Variants in LAMA2 observed in about 807,000 individuals in gnomAD.
LAMA2 encodes laminin subunit alpha-2.
A neutral mutation model predicts 364.8 loss-of-function variants in LAMA2; 269 were observed. The observed-to-expected ratio is 0.74, with a 90% CI of 0.67 to 0.82. The LOEUF is 0.82. Ranked by LOEUF, LAMA2 falls within the 40% of genes least tolerant of loss-of-function variation. The pLI, the probability that LAMA2 is intolerant of heterozygous loss-of-function variation, is 0.00. For missense variants in LAMA2, 3,807 were observed against 3,873.2 expected, an observed-to-expected ratio of 0.98 and a Z score of 0.45; for synonymous variants, 1,379 against 1,370.6, an observed-to-expected ratio of 1.01 and a Z score of -0.14.
intron 1 of LAMA2, among the ~76,000 whole-genome samples, chr6:128,940,010 G>C (rs1014928817): frequency 6.6e-6 from 1 of 152,056 alleles, no homozygotes; most frequent in Admixed American, 6.5e-5. Flanking sequence ...GTCTACCATG[G>C]TTCCTTTACA....
At chr6:128,987,351 G>A (rs969397583) in intron 1 of LAMA2, among the ~76,000 whole-genome samples, 4 of 151,760 alleles carry the variant, frequency 2.6e-5, no homozygotes, top group Non-Finnish European at 5.9e-5. Context: ...CCATTTTGGC[G>A]AGGCTGGTCT....
chr6:129,118,537 G>A lies in LAMA2; in HGVS notation c.639+20122G>A, dbSNP rs1028529158. On this transcript the variant is annotated intron_variant, in intron 4 of 64. Coordinates refer to ENST00000421865, the MANE Select transcript of LAMA2 (RefSeq NM_000426.4). ...TTAAACATACTGAACATAGTTAAAA[G>A]ACATGCATCTGATTAATGTAAAAAC... Among the ~76,000 whole-genome samples, 20 of 152,288 alleles carry A rather than the reference G, an allele frequency of 1.3e-4. 1 individual carries two copies. Among genetic ancestry groups the A allele is most frequent in the Admixed American group, 1.0e-3 (16 of 15,300 alleles).
chr6:129,171,623 C>T (rs1158280660), intron 9 of LAMA2, among the ~76,000 whole-genome samples: 4 of 150,318 alleles, frequency 2.7e-5, no homozygotes, highest in African/African-American at 9.8e-5. Context: ...TCCTTCATTT[C>T]AGCTTTGGTG....
intron 37 of LAMA2, among the ~76,000 whole-genome samples, chr6:129,396,966 A>C (rs1179866601): frequency 2.9e-4 from 4 of 13,876 alleles, no homozygotes; most frequent in Non-Finnish European, 4.5e-4. Context: ...ACAGTGAGAC[A>C]ATGAGACAGT....
chr6:129,106,876 AT>A (rs1260838812), intron 4 of LAMA2, among the ~76,000 whole-genome samples: 3,557 of 109,420 alleles, frequency 0.033, 148 homozygotes, highest in African/African-American at 0.14. Flanking sequence ...AAAAAAAAAA[AT>A]ATATATATAT....
At chr6:128,953,441 C>T (rs1057316130) in intron 1 of LAMA2, among the ~76,000 whole-genome samples, 2 of 151,844 alleles carry the variant, frequency 1.3e-5, no homozygotes, top group African/African-American at 4.8e-5. Flanking sequence ...ATTACTATAC[C>T]CTTTACTATG....
intron 4 of LAMA2, among the ~76,000 whole-genome samples, chr6:129,118,767 C>G (rs1221347050): frequency 6.6e-6 from 1 of 152,106 alleles, no homozygotes; most frequent in Non-Finnish European, 1.5e-5. Context: ...GATGAGAAAC[C>G]TCTGAAAGCT....
intron 12 of LAMA2, among the ~76,000 whole-genome samples, chr6:129,216,437 A>G (rs998583556): frequency 6.6e-6 from 1 of 152,218 alleles, no homozygotes; most frequent in Non-Finnish European, 1.5e-5. Flanking sequence ...TAGTTTTGCA[A>G]TAAGTAGATT....
intron 3 of LAMA2, among the ~76,000 whole-genome samples, chr6:129,062,235 T>C (rs1206401576): frequency 6.6e-6 from 1 of 152,182 alleles, no homozygotes; most frequent in Non-Finnish European, 1.5e-5. Context: ...TAATCCTGAA[T>C]AAACCAGCTA....
At chr6:129,005,976 G>C (rs1056245138) in intron 1 of LAMA2, among the ~76,000 whole-genome samples, 2 of 151,624 alleles carry the variant, frequency 1.3e-5, no homozygotes. Flanking sequence ...GGAATGATCT[G>C]TTTGAGACTG....
At chr6:129,356,893 A>G (rs916690477) in intron 32 of LAMA2, among the ~76,000 whole-genome samples, 1 of 152,104 alleles carries the variant, frequency 6.6e-6, no homozygotes, top group African/African-American at 2.4e-5. Context: ...ATTGTCAAGT[A>G]GAGACTGTCT....
intron 1 of LAMA2, among the ~76,000 whole-genome samples, chr6:128,991,947 G>A (rs1783636114): frequency 6.6e-6 from 1 of 152,098 alleles, no homozygotes; most frequent in Non-Finnish European, 1.5e-5. Flanking sequence ...ATTTTCCACT[G>A]TGCTTTATGA....
At chr6:129,482,240 C>T (rs1196469644) in intron 55 of LAMA2, among the ~76,000 whole-genome samples, 1 of 152,156 alleles carries the variant, frequency 6.6e-6, no homozygotes, top group Non-Finnish European at 1.5e-5. Context: ...ACACTCTAGC[C>T]TGGATGACAG....
chr6:129,287,526 A>G (rs1052150171), intron 18 of LAMA2, among the ~76,000 whole-genome samples: 1 of 152,194 alleles, frequency 6.6e-6, no homozygotes, highest in East Asian at 1.9e-4. Flanking sequence ...TTGTACTACA[A>G]AGGCTTTCCA....
At chr6:128,982,963 T>G (rs967823572) in intron 1 of LAMA2, among the ~76,000 whole-genome samples, 3 of 149,334 alleles carry the variant, frequency 2.0e-5, no homozygotes, top group African/African-American at 7.7e-5. Context: ...TATGGCTGCA[T>G]AGTATTCCAT....
At chr6:129,221,354 T>C (rs1250857428) in intron 12 of LAMA2, among the ~76,000 whole-genome samples, 1 of 144,352 alleles carries the variant, frequency 6.9e-6, no homozygotes, top group Non-Finnish European at 1.5e-5. Flanking sequence ...ATCAAGCATA[T>C]GTAAAGACTC....
intron 7 of LAMA2, among the ~76,000 whole-genome samples, chr6:129,149,823 T>C (rs1239998062): frequency 1.3e-5 from 2 of 152,158 alleles, no homozygotes; most frequent in Non-Finnish European, 2.9e-5. Context: ...ATATAACAAC[T>C]ATTTATATAG....
In LAMA2 at chr6:129,287,846, G is replaced by T; in HGVS notation, c.2538-1G>T. 1 of 1,613,400 alleles carries T rather than the reference G, an allele frequency of 6.2e-7. No homozygotes were observed. Among genetic ancestry groups the T allele is most frequent in the Non-Finnish European group, 8.5e-7 (1 of 1,179,434 alleles). Reference sequence around the variant, plus strand: ...CTCACTGATGAAATTTCTTGCCTTAGGTGTGCAGAAGGCTATTTTGGACAA... The same window carrying T: ...CTCACTGATGAAATTTCTTGCCTTATGTGTGCAGAAGGCTATTTTGGACAA... On this transcript the variant is annotated splice_acceptor_variant, in intron 18 of 64. Transcript: ENST00000421865. LOFTEE classifies it high-confidence loss of function.
chr6:128,910,934 C>G (rs1213490694), intron 1 of LAMA2, among the ~76,000 whole-genome samples: 1 of 151,606 alleles, frequency 6.6e-6, no homozygotes, highest in African/African-American at 2.4e-5. Context: ...GGGGTGCCTC[C>G]CAGTTAGGCT....
Sources: allele counts gnomAD v4.1 joint callset (sites outside exome capture counted in the v4.1 genomes callset), GRCh38; gene constraint gnomAD v4.1.1; transcripts MANE v1.5; gene names NCBI Gene and HGNC (gene_info 2026-07-23, HGNC 2026-07-21).